TRHDE: variants seen among roughly 807,000 people sequenced by gnomAD.
TRHDE encodes the protein thyrotropin releasing hormone degrading enzyme.
TRHDE carries 72 observed loss-of-function variants against 125.7 expected under a neutral mutation model. The observed-to-expected ratio is 0.57, with a 90% CI of 0.47 to 0.70. The LOEUF (loss-of-function observed/expected upper bound fraction) is 0.70. Ranked by LOEUF, TRHDE falls within the 30% of genes least tolerant of loss-of-function variation. The probability of loss-of-function intolerance (pLI) is 0.00; values close to 1 mark genes in which losing one functional copy is unlikely to be tolerated. For synonymous variants in TRHDE, 509 were observed against 509.1 expected, an observed-to-expected ratio of 1.00 and a Z score of 0.00; for missense variants, 1,110 against 1,327.1, an observed-to-expected ratio of 0.84 and a Z score of 2.54.
At chr12:72,607,576 T>G (rs1592568963) in intron 12 of TRHDE, among the ~76,000 whole-genome samples, 1 of 152,154 alleles carries the variant, frequency 6.6e-6, no homozygotes, top group East Asian at 1.9e-4. Flanking sequence ...TCAAAACTAA[T>G]GAGCCAGTTC....
At chr12:72,475,633 A>G (rs1001015832) in intron 5 of TRHDE, among the ~76,000 whole-genome samples, 4 of 152,202 alleles carry the variant, frequency 2.6e-5, no homozygotes, top group African/African-American at 9.6e-5. Context: ...AGGTATTGAA[A>G]ATGAACACAG....
At chr12:72,322,881 T>A (rs914218748) in intron 2 of TRHDE, among the ~76,000 whole-genome samples, 1 of 152,146 alleles carries the variant, frequency 6.6e-6, no homozygotes, top group Non-Finnish European at 1.5e-5. Flanking sequence ...TGCAGAAGCC[T>A]GGCTGGGGAC....
At chr12:72,144,479 T>C (rs1876184443) in intron 2 of TRHDE, among the ~76,000 whole-genome samples, 1 of 152,242 alleles carries the variant, frequency 6.6e-6, no homozygotes. Flanking sequence ...TTTCTCTGAC[T>C]CCAGGTGAGC....
At chr12:72,187,485 T>TCGG in intron 2 of TRHDE, among the ~76,000 whole-genome samples, 1 of 134,042 alleles carries the variant, frequency 7.5e-6, no homozygotes, top group African/African-American at 2.8e-5. Context: ...GTCGTGGTGG[T>TCGG]GGTGGTGGTG....
chr12:72,305,025 C>CGAGA (rs146489032), intron 2 of TRHDE, among the ~76,000 whole-genome samples: 27 of 150,334 alleles, frequency 1.8e-4, no homozygotes, highest in African/African-American at 3.7e-4. Flanking sequence ...AGAGCACATG[C>CGAGA]GAGAGAGAGA....
intron 12 of TRHDE, among the ~76,000 whole-genome samples, chr12:72,592,013 G>A (rs1420330408): frequency 1.3e-5 from 2 of 149,774 alleles, no homozygotes; most frequent in South Asian, 2.1e-4. Flanking sequence ...TTTTGTATTT[G>A]CAAATTTTTT....
chr12:72,383,615 G>T (rs111921169), intron 3 of TRHDE, among the ~76,000 whole-genome samples: 17 of 151,806 alleles, frequency 1.1e-4, no homozygotes, highest in African/African-American at 3.9e-4. Flanking sequence ...GACCTCAGGT[G>T]ATCCACCTGC....
chr12:72,345,845 C>T (rs752543960), intron 2 of TRHDE, among the ~76,000 whole-genome samples: 17 of 151,116 alleles, frequency 1.1e-4, no homozygotes, highest in Middle Eastern at 3.2e-3. Context: ...CAGAAAAGGA[C>T]GGTTCTGGAG....
At chr12:72,364,012 C>T (rs1336945746) in intron 2 of TRHDE, among the ~76,000 whole-genome samples, 1 of 151,978 alleles carries the variant, frequency 6.6e-6, no homozygotes, top group East Asian at 1.9e-4. Context: ...GAGTGAACTC[C>T]CATTCACAAT....
At chr12:72,121,952 C>G (rs902744950) in intron 2 of TRHDE, among the ~76,000 whole-genome samples, 1 of 152,088 alleles carries the variant, frequency 6.6e-6, no homozygotes, top group Admixed American at 6.5e-5. Flanking sequence ...CAGGCCAGCT[C>G]TCTGTGCCTC....
intron 2 of TRHDE, among the ~76,000 whole-genome samples, chr12:72,239,316 T>G (rs1878428457): frequency 6.6e-6 from 1 of 152,160 alleles, no homozygotes; most frequent in Admixed American, 6.5e-5. Flanking sequence ...ATTGCAAACA[T>G]TTTCTCCCAT....
At chr12:72,311,954 A>C (rs1868563422) in intron 2 of TRHDE, among the ~76,000 whole-genome samples, 1 of 152,094 alleles carries the variant, frequency 6.6e-6, no homozygotes, top group East Asian at 1.9e-4. Context: ...CTATTACGTA[A>C]ATTTCAATGT....
At chr12:72,380,962 G>A (rs1872148942) in intron 3 of TRHDE, among the ~76,000 whole-genome samples, 1 of 151,606 alleles carries the variant, frequency 6.6e-6, no homozygotes, top group Non-Finnish European at 1.5e-5. Context: ...AGGCATTGTA[G>A]AATCTGATTA....
intron 3 of TRHDE, among the ~76,000 whole-genome samples, chr12:72,406,519 CT>C: frequency 6.6e-6 from 1 of 152,202 alleles, no homozygotes. Context: ...GTTCCTGGAT[CT>C]TTTTGGTGAG....
chr12:72,418,785 T>C (rs1873834573), intron 3 of TRHDE, among the ~76,000 whole-genome samples: 1 of 152,174 alleles, frequency 6.6e-6, no homozygotes, highest in Non-Finnish European at 1.5e-5. Flanking sequence ...GAGGTCTTAT[T>C]GTTTCAAATC....
intron 2 of TRHDE, among the ~76,000 whole-genome samples, chr12:72,201,995 G>A (rs1427498950): frequency 6.6e-6 from 1 of 152,100 alleles, no homozygotes; most frequent in Non-Finnish European, 1.5e-5. Flanking sequence ...TATTAATTTT[G>A]AGTGCAAATA....
At chr12:72,447,361 A>G (rs945955709) in intron 3 of TRHDE, among the ~76,000 whole-genome samples, 2 of 152,192 alleles carry the variant, frequency 1.3e-5, no homozygotes, top group African/African-American at 4.8e-5. Context: ...GGACACATTT[A>G]CAGCAGTGTG....
At chr12:72,177,989 G>A (rs1380973396) in intron 2 of TRHDE, among the ~76,000 whole-genome samples, 1 of 152,058 alleles carries the variant, frequency 6.6e-6, no homozygotes, top group Non-Finnish European at 1.5e-5. Flanking sequence ...TGCCAAATAT[G>A]CATTTAAAAA....
intron 1 of TRHDE, among the ~76,000 whole-genome samples, chr12:72,275,130 G>A (rs969851680): frequency 4.6e-5 from 7 of 152,216 alleles, no homozygotes; most frequent in African/African-American, 1.2e-4. Flanking sequence ...CCAGGGCCCT[G>A]GAGGTGAGCA....
Sources: gnomAD v4.1 joint callset for allele counts (sites outside exome capture counted in the v4.1 genomes callset) on GRCh38, gnomAD v4.1.1 for gene constraint, MANE v1.5 for transcripts, NCBI Gene and HGNC (gene_info 2026-07-23, HGNC 2026-07-21) for gene names.